PDE6B: variants seen among roughly 807,000 people sequenced by gnomAD.
The protein encoded by PDE6B is phosphodiesterase 6B.
In PDE6B, 106 loss-of-function variants were observed where a neutral mutation model predicts 109.0. The observed-to-expected ratio is 0.97, with a 90% CI of 0.83 to 1.14. The LOEUF is 1.14. PDE6B is among the 50% of genes most tolerant of loss of function. The pLI is 0.00. For missense variants in PDE6B, 1,193 were observed against 1,155.6 expected (o/e 1.03, Z -0.47); for synonymous variants, 490 against 471.3 (o/e 1.04, Z -0.51).
intron 21 of PDE6B, among the ~76,000 whole-genome samples, chr4:668,341 G>C (rs560935073): frequency 6.6e-6 from 1 of 151,852 alleles, no homozygotes; most frequent in Non-Finnish European, 1.5e-5. Context: ...CAAAGGCATC[G>C]TGGTCTTGCC....
intron 6 of PDE6B, chr4:655,181 C>T (rs1011616661): frequency 5.3e-5 from 26 of 495,098 alleles, no homozygotes; most frequent in Non-Finnish European, 8.2e-5. Context: ...GCTGTCCAGG[C>T]GGCCTCGTCA....
At chr4:657,205 AC>A (rs1417816620) in intron 9 of PDE6B, 145 bp from the exon 10 acceptor site, 12 of 1,120,502 alleles carry the variant, frequency 1.1e-5, no homozygotes, top group Non-Finnish European at 1.6e-5. Context: ...TCTGCAGAGC[AC>A]CCGGGAGACC....
intron 3 of PDE6B, among the ~76,000 whole-genome samples, chr4:642,725 C>CAAAAAAAAAAA (rs71636506): frequency 0.028 from 1,216 of 43,254 alleles, 83 homozygotes; most frequent in African/African-American, 0.039. Flanking sequence ...GACACTGTCT[C>CAAAAAAAAAAA]AAAAAAAAAA....
Position 662,032 on chromosome 4 carries a change from T to C in PDE6B, c.1615-102T>C, listed in dbSNP as rs1737159785. 2.8e-6 allele frequency: 2 copies of C among 710,828 alleles called. No homozygotes were observed. Among genetic ancestry groups the C allele is most frequent in the Admixed American group, 2.0e-5 (1 of 49,896 alleles). The allele number at this position is 710,828 out of a possible 1,614,324, so 44.0% of individuals were successfully genotyped here. On this transcript the variant is annotated intron_variant, in intron 12 of 21. Coordinates refer to ENST00000496514, the MANE Select transcript of PDE6B (RefSeq NM_000283.4). This position sits in a 1 kb window ranked among gnomAD's most constrained non-coding sequence, Gnocchi z 4.3. ...AGTCCAGGAGACGGTGTGGGGATGA[T>C]GGCACGGAGCAGGGCTTCCACTGTG...
intron 3 of PDE6B, among the ~76,000 whole-genome samples, chr4:641,765 G>C (rs1215195943): frequency 6.6e-6 from 1 of 152,166 alleles, no homozygotes; most frequent in Non-Finnish European, 1.5e-5. Context: ...TCCTGCCTCA[G>C]CCTCCCAAGT....
chr4:634,621 G>A (rs1359181378), intron 1 of PDE6B, 56 bp from the exon 2 acceptor site: 8 of 1,444,030 alleles, frequency 5.5e-6, no homozygotes, highest in Admixed American at 5.0e-5. Flanking sequence ...CCAGTGGTGC[G>A]GGCTCCAGGC....
At position 657,413 on chromosome 4, in the gene PDE6B, G is replaced by A. The variant is rs1376226998; in HGVS notation, c.1320G>A (p.Lys440=). The change falls in exon 10 of 22, where the codon AAG becomes AAA. Residue 440 remains lysine, a synonymous_variant. Transcript: ENST00000496514. ...MNTDTYDKMN[K]LENRKDIAQD... is the part of the protein sequence containing the mutation. ...CCGACACCTACGACAAGATGAACAA[G>A]CTGGAGAACCGCAAGGACATCGCAC... 1.2e-6 allele frequency: 2 copies of A among 1,613,170 alleles called. No homozygotes were observed. Among genetic ancestry groups the A allele is most frequent in the Admixed American group, 1.7e-5 (1 of 60,006 alleles).
rs1453580213 is a variant in PDE6B at position 653,884 on chromosome 4, G to A, written c.744G>A (p.Glu248=). The change falls in exon 4 of 22, where the codon GAG becomes GAA. Residue 248 remains glutamate (E), a synonymous_variant. Coordinates refer to ENST00000496514, the MANE Select transcript of PDE6B (RefSeq NM_000283.4). ...VLLWSANKVF[E]ELTDIERQFH... ...TGTGGTCGGCCAACAAGGTGTTTGA[G>A]GAGCTGACGGACATCGAGAGGCAGT... is the stretch of plus-strand genomic sequence containing the variant. 1.9e-6 allele frequency: 3 copies of A among 1,613,878 alleles called. No homozygotes were observed. Among genetic ancestry groups the A allele is most frequent in the Non-Finnish European group, 2.5e-6 (3 of 1,180,026 alleles).
chr4:635,958 C>T lies in PDE6B; in HGVS notation c.700C>T (p.Arg234Cys), dbSNP rs374915809. Residue 234 changes from arginine to cysteine, a missense_variant, in exon 3 of 22, where the codon CGC becomes TGC. Physicochemically the swap from Arg to Cys is radical, Grantham distance 180 (BLOSUM62 -3). Coordinates refer to ENST00000496514, the MANE Select transcript of PDE6B (RefSeq NM_000283.4). ...GAGCTACCTCCACAACTGCGAGACG[C>T]GCCGCGGCCAGGTACCCACACGCTG... Reference protein sequence around the residue: ...HLSYLHNCETRRGQVLLWSAN... With the variant: ...HLSYLHNCETCRGQVLLWSAN... 5.6e-5 allele frequency: 89 copies of T among 1,603,156 alleles called. No individual in the cohort carries two copies. The highest frequency in any genetic ancestry group is 1.1e-4 in the African/African-American group (8 of 74,828).
rs374156343 is a variant in PDE6B at position 653,951 on chromosome 4, G to C, written c.811G>C (p.Glu271Gln). The C allele has an allele frequency of 1.2e-6, 2 of 1,613,788 alleles. No homozygotes were observed. Among genetic ancestry groups the C allele is most frequent in the African/African-American group, 2.7e-5 (2 of 74,938 alleles). ...FYTVRAYLNC[E>Q]RYSVGLLDMT... Reference sequence around the variant, plus strand: ...CACGGTGCGGGCCTACCTCAACTGCGAGCGGTACTCCGTGGGCCTCCTGGA... The same window carrying C: ...CACGGTGCGGGCCTACCTCAACTGCCAGCGGTACTCCGTGGGCCTCCTGGA... The change falls in exon 4 of 22, where the codon GAG becomes CAG. Residue 271 changes from glutamate to glutamine, a missense_variant. Physicochemically the swap from Glu to Gln is conservative, Grantham distance 29. Transcript: ENST00000496514.
chr4:661,776 A>G (rs1321108292), intron 12 of PDE6B: 1 of 345,264 alleles, frequency 2.9e-6, no homozygotes, highest in Non-Finnish European at 5.7e-6. Context: ...CATTCTGCTC[A>G]TTCAAATGTC....
chr4:664,930 G>A lies in PDE6B; in HGVS notation c.2179G>A (p.Glu727Lys). Residue 727 changes from glutamate (E) to lysine (K), a missense_variant, in exon 18 of 22, where the codon GAA (glutamate) becomes AAA (lysine). Coordinates refer to ENST00000496514, the MANE Select transcript of PDE6B (RefSeq NM_000283.4). ...CCTGTCTGCCATCACCAAGCCCTGGGAAGTCCAGAGCAAGGTTAGAACAGA... is the reference window on the plus strand; with the variant it reads ...CCTGTCTGCCATCACCAAGCCCTGGAAAGTCCAGAGCAAGGTTAGAACAGA... Reference protein sequence around the residue: ...CDLSAITKPWEVQSKVALLVA... With the variant: ...CDLSAITKPWKVQSKVALLVA... 6.2e-7 allele frequency: 1 copy of A among 1,612,946 alleles called. No homozygotes were observed. The highest frequency in any genetic ancestry group is 8.5e-7 in the Non-Finnish European group (1 of 1,179,636).
In PDE6B at chr4:666,763, G is replaced by C. The variant is rs1475084982; in HGVS notation, c.2352+149G>C. ...CCAGTGCCAGCTTCGTGCCGCTCTT[G>C]AGTGGGGCAAATGGGGAGGAACATC... On this transcript the variant is annotated intron_variant, in intron 20 of 21. Coordinates refer to ENST00000496514, the MANE Select transcript of PDE6B (RefSeq NM_000283.4). The surrounding 1 kb of genome is among the most constrained non-coding windows in gnomAD (Gnocchi z 5.6). 10 of 684,336 alleles carry C rather than the reference G, an allele frequency of 1.5e-5. No homozygotes were observed. Among genetic ancestry groups the C allele is most frequent in the Non-Finnish European group, 2.2e-5 (8 of 367,708 alleles). The allele number at this position is 684,336 out of a possible 1,614,324, so 42.4% of individuals were successfully genotyped here.
At chr4:632,206 C>T (rs1160866393) in intron 1 of PDE6B, among the ~76,000 whole-genome samples, 8 of 151,576 alleles carry the variant, frequency 5.3e-5, no homozygotes, top group East Asian at 2.0e-4. Context: ...CTGAGTGTCA[C>T]GTTATGTGAA....
Position 625,780 on chromosome 4 carries a change from C to T in PDE6B, c.154C>T (p.Gln52Ter). The T allele has an allele frequency of 1.2e-6, 2 of 1,613,448 alleles. No homozygotes were observed. Among genetic ancestry groups the T allele is most frequent in the Non-Finnish European group, 1.7e-6 (2 of 1,179,930 alleles). ...CTGCGACAGCCTCCGGGACCTCTGC[C>T]AGGTGGAGGAGAGCACGGCGCTGCT... Reference protein sequence around the residue: ...PDCDSLRDLCQVEESTALLEL... With the variant: ...PDCDSLRDLC The change falls in exon 1 of 22, where the codon CAG becomes TAG. Residue 52 changes from glutamine (Q) to a stop codon, truncating the protein, a stop_gained. Transcript: ENST00000496514. LOFTEE classifies it high-confidence loss of function. The surrounding 1 kb of genome is among the most constrained non-coding windows in gnomAD (Gnocchi z 5.0).
chr4:654,942 C>T (rs1344245474), intron 6 of PDE6B, 54 bp downstream of exon 6: 1 of 1,027,058 alleles, frequency 9.7e-7, no homozygotes, highest in East Asian at 2.4e-5. Context: ...GCCCCTCAGA[C>T]CCCGGCTCAG....
intron 3 of PDE6B, among the ~76,000 whole-genome samples, chr4:650,893 T>C (rs1560113952): frequency 6.6e-6 from 1 of 152,196 alleles, no homozygotes; most frequent in Non-Finnish European, 1.5e-5. Context: ...TCAGTTGCTG[T>C]GTGCACCAGC....
intron 3 of PDE6B, among the ~76,000 whole-genome samples, chr4:644,680 C>A (rs1735113855): frequency 6.6e-6 from 1 of 151,982 alleles, no homozygotes; most frequent in Admixed American, 6.6e-5. Flanking sequence ...CAGGCACACG[C>A]CACCACGCCC....
chr4:663,029 G>C lies in PDE6B; in HGVS notation c.1833-71G>C. On this transcript the variant is annotated intron_variant, in intron 14 of 21. Transcript: ENST00000496514. This position sits in a 1 kb window ranked among gnomAD's most constrained non-coding sequence, Gnocchi z 4.0. ...AAAAAAAGAAAGTGGGGCCCATCTGGGGGGGCTGCAGAGCGCAGGGTGGGC... is the reference window on the plus strand; with the variant it reads ...AAAAAAAGAAAGTGGGGCCCATCTGCGGGGGCTGCAGAGCGCAGGGTGGGC... 3 of 871,654 alleles carry C rather than the reference G, an allele frequency of 3.4e-6. No homozygotes were observed. Among genetic ancestry groups the C allele is most frequent in the South Asian group, 2.6e-5 (2 of 76,254 alleles). 54.0% of individuals were successfully genotyped at this position (871,654 alleles called of 1,614,324 possible).
Sources: gnomAD v4.1 joint callset for allele counts (sites outside exome capture counted in the v4.1 genomes callset) on GRCh38, gnomAD v4.1.1 for gene constraint, Gnocchi (gnomAD v3.1) non-coding constraint, MANE v1.5 for transcripts, NCBI Gene and HGNC (gene_info 2026-07-23, HGNC 2026-07-21) for gene names.